The following RNF13 variants were observed in gnomAD, a reference collection of about 807,000 sequenced individuals.
The protein encoded by RNF13 is E3 ubiquitin-protein ligase RNF13.
In RNF13, 19 loss-of-function variants were observed where a neutral mutation model predicts 37.7. The observed-to-expected ratio is 0.50, with a 90% confidence interval of 0.35 to 0.74. The LOEUF (loss-of-function observed/expected upper bound fraction) is 0.74, where lower values mean the gene tolerates loss of function less well. Ranked by LOEUF, RNF13 falls within the 30% of genes least tolerant of loss-of-function variation. RNF13 has a pLI of 0.01. For missense variants in RNF13, 375 were observed against 453.0 expected (o/e 0.83, Z 1.56); for synonymous variants, 144 against 157.8 (o/e 0.91, Z 0.65).
intron 4 of RNF13, among the ~76,000 whole-genome samples, chr3:149,884,465 A>C (rs1713787473): frequency 6.6e-6 from 1 of 150,952 alleles, no homozygotes; most frequent in South Asian, 2.1e-4. Context: ...GAAATTGTTA[A>C]TCTTTTTTCC....
At chr3:149,865,260 G>A (rs903472314) in intron 3 of RNF13, among the ~76,000 whole-genome samples, 1 of 150,262 alleles carries the variant, frequency 6.7e-6, no homozygotes, top group African/African-American at 2.4e-5. Context: ...GGTTACAGTA[G>A]ACTGGAGCCT....
At chr3:149,841,194 A>G (rs922781896) in intron 1 of RNF13, among the ~76,000 whole-genome samples, 1 of 152,218 alleles carries the variant, frequency 6.6e-6, no homozygotes, top group African/African-American at 2.4e-5. Context: ...GCCTGCATTT[A>G]TTTTAATCCA....
chr3:149,906,260 C>T (rs1340290188), intron 6 of RNF13, among the ~76,000 whole-genome samples: 1 of 152,070 alleles, frequency 6.6e-6, no homozygotes. Context: ...CTTGTTTCCA[C>T]AACTTGGCTA....
intron 7 of RNF13, among the ~76,000 whole-genome samples, chr3:149,912,527 T>C (rs560678589): frequency 1.3e-5 from 2 of 152,266 alleles, no homozygotes; most frequent in African/African-American, 2.4e-5. Flanking sequence ...TACACTGATA[T>C]CTGCAACTTA....
intron 8 of RNF13, among the ~76,000 whole-genome samples, chr3:149,937,593 A>G (rs1719832002): frequency 1.3e-5 from 2 of 152,144 alleles, no homozygotes; most frequent in Non-Finnish European, 2.9e-5. Flanking sequence ...ACATCACTGC[A>G]TTTTACAAAT....
At chr3:149,855,394 C>T (rs1576769517) in intron 3 of RNF13, among the ~76,000 whole-genome samples, 1 of 151,694 alleles carries the variant, frequency 6.6e-6, no homozygotes, top group East Asian at 1.9e-4. Flanking sequence ...CTTTCCACAG[C>T]AGCATCTATA....
At position 149,832,933 on chromosome 3, in the gene RNF13, T is replaced by C. The variant is rs369298895; in HGVS notation, c.-16-13078T>C. Among the ~76,000 whole-genome samples, 116 of 152,146 alleles carry C rather than the reference T, an allele frequency of 7.6e-4. 1 individual carries two copies. The South Asian group carries it at 0.023, about 30-fold the overall frequency. ...GGATCAGATGGCTTCATTGGTGAAT[T>C]CTACCAAATATTTAAGGAAGAATCA... On this transcript the variant is annotated intron_variant, in intron 1 of 9. Coordinates refer to ENST00000392894, the MANE Select transcript of RNF13 (RefSeq NM_183381.3).
intron 3 of RNF13, among the ~76,000 whole-genome samples, chr3:149,855,709 T>G (rs1371800293): frequency 6.6e-6 from 1 of 152,020 alleles, no homozygotes; most frequent in African/African-American, 2.4e-5. Context: ...CCAATGGGTA[T>G]GTACATCTAA....
intron 8 of RNF13, among the ~76,000 whole-genome samples, chr3:149,924,742 A>C (rs1718473156): frequency 6.6e-6 from 1 of 152,178 alleles, no homozygotes; most frequent in African/African-American, 2.4e-5. Context: ...TAAGAAGTTT[A>C]ACTAAAAAAG....
intron 8 of RNF13, among the ~76,000 whole-genome samples, chr3:149,926,125 A>G (rs1448166703): frequency 6.6e-6 from 1 of 152,128 alleles, no homozygotes; most frequent in Non-Finnish European, 1.5e-5. Flanking sequence ...TTCTTCAATA[A>G]TTCTTGTGTT....
At chr3:149,887,565 G>T (rs1714192042) in intron 4 of RNF13, among the ~76,000 whole-genome samples, 1 of 152,298 alleles carries the variant, frequency 6.6e-6, no homozygotes, top group South Asian at 2.1e-4. Flanking sequence ...CTCCCAAAGT[G>T]CTGGGATTAC....
chr3:149,872,312 C>T (rs1712162769), intron 4 of RNF13, among the ~76,000 whole-genome samples, 158 bp downstream of exon 4: 1 of 152,108 alleles, frequency 6.6e-6, no homozygotes, highest in Admixed American at 6.5e-5. Context: ...TTTACTGGTT[C>T]TAAGAATTTT....
intron 1 of RNF13, among the ~76,000 whole-genome samples, chr3:149,835,633 T>TTG (rs3039646): frequency 0.49 from 67,807 of 138,586 alleles, 17,319 homozygotes; most frequent in Non-Finnish European, 0.61. Context: ...TAGTATTCCA[T>TTG]TGTGTGTGTG....
At chr3:149,814,485 G>GTGTA (rs1719219313) in intron 1 of RNF13, among the ~76,000 whole-genome samples, 1 of 152,180 alleles carries the variant, frequency 6.6e-6, no homozygotes, top group Non-Finnish European at 1.5e-5. Flanking sequence ...AGTGCAGGAA[G>GTGTA]TGTAGTGCAG....
At chr3:149,920,790 C>CTTTTTTTTTTTTTTTTTTTT (rs34551883) in intron 7 of RNF13, among the ~76,000 whole-genome samples, 1 of 124,028 alleles carries the variant, frequency 8.1e-6, no homozygotes. Flanking sequence ...CCTTCCCATT[C>CTTTTTTTTTTTTTTTTTTTT]TTTTTTTTTT....
At chr3:149,884,905 C>G (rs938683811) in intron 4 of RNF13, among the ~76,000 whole-genome samples, 1 of 151,776 alleles carries the variant, frequency 6.6e-6, no homozygotes, top group East Asian at 1.9e-4. Flanking sequence ...CATCTCCCCC[C>G]ACTACACTAC....
At chr3:149,819,144 G>A (rs558519593) in intron 1 of RNF13, among the ~76,000 whole-genome samples, 2 of 152,180 alleles carry the variant, frequency 1.3e-5, no homozygotes, top group East Asian at 1.9e-4. Context: ...CTGTTTTTAC[G>A]ACTTCTTGTA....
chr3:149,865,537 C>T (rs1197120363), intron 3 of RNF13, among the ~76,000 whole-genome samples: 1 of 152,000 alleles, frequency 6.6e-6, no homozygotes, highest in Non-Finnish European at 1.5e-5. Flanking sequence ...GTGATCATGG[C>T]TCACTGCAGC....
chr3:149,893,914 CAACA>C (rs1292231101), intron 4 of RNF13: 1 of 152,098 alleles, frequency 6.6e-6, no homozygotes, highest in African/African-American at 2.4e-5. Context: ...AGTCCTGTGC[CAACA>C]AACAATTTAT....
Sources: gnomAD v4.1 joint callset for allele counts (sites outside exome capture counted in the v4.1 genomes callset) on GRCh38, gnomAD v4.1.1 for gene constraint, MANE v1.5 for transcripts, NCBI Gene and HGNC (gene_info 2026-07-23, HGNC 2026-07-21) for gene names.